PPM1L: variants seen among roughly 807,000 people sequenced by gnomAD.
PPM1L encodes protein phosphatase, Mg2+/Mn2+ dependent 1L, also known as protein phosphatase 1L.
A neutral mutation model predicts 31.4 loss-of-function variants in PPM1L; 13 were observed. The observed-to-expected ratio is 0.41, with a 90% confidence interval of 0.27 to 0.66. The LOEUF is 0.66. Ranked by LOEUF, PPM1L falls within the 30% of genes least tolerant of loss-of-function variation. The pLI, the probability that PPM1L is intolerant of heterozygous loss-of-function variation, is 0.29. For synonymous variants in PPM1L, 184 were observed against 175.4 expected, an observed-to-expected ratio of 1.05 and a Z score of -0.39; for missense variants, 326 against 453.7, an observed-to-expected ratio of 0.72 and a Z score of 2.56.
intron 1 of PPM1L, among the ~76,000 whole-genome samples, chr3:160,906,811 G>C (rs2108058956): frequency 6.6e-6 from 1 of 152,266 alleles, no homozygotes; most frequent in African/African-American, 2.4e-5. Flanking sequence ...TGGACAGAGA[G>C]CCTGAATTTC....
chr3:160,862,220 A>T (rs944649525), intron 1 of PPM1L, among the ~76,000 whole-genome samples: 1 of 152,104 alleles, frequency 6.6e-6, no homozygotes, highest in Non-Finnish European at 1.5e-5. Flanking sequence ...GTCAAAGAAA[A>T]TAAGTTCTAT....
At chr3:160,925,644 C>A (rs1314578014) in intron 1 of PPM1L, among the ~76,000 whole-genome samples, 1 of 152,100 alleles carries the variant, frequency 6.6e-6, no homozygotes, top group Non-Finnish European at 1.5e-5. Flanking sequence ...AATAACTCTA[C>A]CATATGTTTT....
chr3:160,758,954 A>C (rs1714890535), intron 1 of PPM1L, among the ~76,000 whole-genome samples: 1 of 152,200 alleles, frequency 6.6e-6, no homozygotes, highest in African/African-American at 2.4e-5. Flanking sequence ...CAGTTAGTTC[A>C]TTTTGGCTTT....
chr3:161,068,923 C>T lies in PPM1L; in HGVS notation c.849C>T (p.Asp283=), dbSNP rs1719825798. 2 of 1,614,200 alleles carry T rather than the reference C, an allele frequency of 1.2e-6. No homozygotes were observed. Among genetic ancestry groups the T allele is most frequent in the South Asian group, 1.1e-5 (1 of 91,076 alleles). Residue 283 remains aspartate, a synonymous_variant, in exon 4 of 4, where the codon GAC becomes GAT. Transcript: ENST00000498165. The part of the protein sequence containing the change: ...KNLNVVIPDP[D]ILTFDLDKLQ... ...TCAACGTGGTCATCCCAGACCCAGA[C>T]ATCCTGACCTTTGACCTGGACAAGC...
chr3:160,845,821 T>G (rs532874575), intron 1 of PPM1L, among the ~76,000 whole-genome samples: 130 of 152,156 alleles, frequency 8.5e-4, no homozygotes, highest in African/African-American at 3.0e-3. Context: ...AAGCTAAATT[T>G]TTAGGTAAAA....
intron 1 of PPM1L, among the ~76,000 whole-genome samples, chr3:160,867,067 T>G (rs763282529): frequency 1.1e-4 from 16 of 152,180 alleles, no homozygotes; most frequent in Non-Finnish European, 1.9e-4. Context: ...TTTGAACTCC[T>G]TGGCTCAAGT....
intron 1 of PPM1L, among the ~76,000 whole-genome samples, chr3:160,959,555 C>T (rs966370195): frequency 3.9e-5 from 6 of 152,112 alleles, no homozygotes; most frequent in South Asian, 2.1e-4. Context: ...ATTGTCTGTG[C>T]GTGGTTGCTC....
chr3:161,026,065 T>C (rs568249470), intron 2 of PPM1L, among the ~76,000 whole-genome samples: 91 of 152,218 alleles, frequency 6.0e-4, no homozygotes, highest in African/African-American at 2.1e-3. Flanking sequence ...TGCAATGTAG[T>C]CCTAAGGGGA....
chr3:160,996,909 G>A (rs1717343223), intron 2 of PPM1L, among the ~76,000 whole-genome samples: 1 of 152,174 alleles, frequency 6.6e-6, no homozygotes, highest in Admixed American at 6.5e-5. Context: ...GATTTAACCA[G>A]AGTTGTGGTT....
At chr3:160,973,116 G>T (rs957330725) in intron 2 of PPM1L, among the ~76,000 whole-genome samples, 8 of 152,108 alleles carry the variant, frequency 5.3e-5, no homozygotes, top group African/African-American at 1.9e-4. Flanking sequence ...ATTTTATGGT[G>T]GGCAAAATTT....
intron 1 of PPM1L, among the ~76,000 whole-genome samples, chr3:160,845,417 C>G (rs1354901303): frequency 6.6e-6 from 1 of 151,950 alleles, no homozygotes; most frequent in Non-Finnish European, 1.5e-5. Context: ...ATATGATTTG[C>G]AAATGTTTTT....
chr3:161,029,679 C>T (rs1718505070), intron 2 of PPM1L, among the ~76,000 whole-genome samples: 1 of 152,010 alleles, frequency 6.6e-6, no homozygotes, highest in African/African-American at 2.4e-5. Flanking sequence ...TTTATCAGTA[C>T]CCCCAGGAGC....
chr3:160,876,929 C>T (rs960318067), intron 1 of PPM1L, among the ~76,000 whole-genome samples: 1 of 152,172 alleles, frequency 6.6e-6, no homozygotes, highest in African/African-American at 2.4e-5. Flanking sequence ...GACTTCTGCA[C>T]CTAGGCAACC....
chr3:160,758,775 A>G (rs541317466), intron 1 of PPM1L, among the ~76,000 whole-genome samples: 6 of 152,360 alleles, frequency 3.9e-5, no homozygotes, highest in Admixed American at 2.6e-4. Context: ...ATGGCTTGTC[A>G]TTAAATTTTT....
At chr3:161,034,642 T>C (rs931597405) in intron 2 of PPM1L, among the ~76,000 whole-genome samples, 12 of 143,290 alleles carry the variant, frequency 8.4e-5, no homozygotes, top group African/African-American at 2.4e-4. Flanking sequence ...AGTCAAACAA[T>C]GAGAACACAT....
intron 1 of PPM1L, among the ~76,000 whole-genome samples, chr3:160,899,178 TGG>T (rs2108052100): frequency 1.3e-5 from 2 of 152,166 alleles, no homozygotes; most frequent in East Asian, 3.9e-4. Flanking sequence ...AGGTAGAAAA[TGG>T]CAGGGCTAAA....
intron 1 of PPM1L, among the ~76,000 whole-genome samples, chr3:160,784,698 C>T (rs1711851262): frequency 6.6e-6 from 1 of 152,198 alleles, no homozygotes; most frequent in Non-Finnish European, 1.5e-5. Flanking sequence ...CAAAGACAAA[C>T]CCATTTCCTA....
intron 2 of PPM1L, 96 bp from the exon 3 acceptor site, chr3:161,065,307 C>A (rs982075486): frequency 1.6e-5 from 20 of 1,244,574 alleles, no homozygotes; most frequent in Non-Finnish European, 2.3e-5. Context: ...CCAGCAGAAG[C>A]AATTTTAATG....
At chr3:160,994,026 T>C (rs1399391639) in intron 2 of PPM1L, among the ~76,000 whole-genome samples, 1 of 152,084 alleles carries the variant, frequency 6.6e-6, no homozygotes, top group African/African-American at 2.4e-5. Flanking sequence ...ATGCCTTTTC[T>C]GGTCTTTTTG....
Sources: gnomAD v4.1 joint callset for allele counts (sites outside exome capture counted in the v4.1 genomes callset) on GRCh38, gnomAD v4.1.1 for gene constraint, MANE v1.5 for transcripts, NCBI Gene and HGNC (gene_info 2026-07-23, HGNC 2026-07-21) for gene names.